Variants in HDAC7 observed in about 807,000 individuals in gnomAD.
HDAC7 encodes the protein histone deacetylase 7A.
In HDAC7, 26 loss-of-function variants were observed where a neutral mutation model predicts 115.5. That is an observed-to-expected ratio of 0.23 (90% confidence interval 0.16 to 0.31). The LOEUF is 0.31. Ranked by LOEUF, HDAC7 falls within the 10% of genes least tolerant of loss-of-function variation. HDAC7 has a pLI of 1.00. For missense variants in HDAC7, 1,068 were observed against 1,329.0 expected, an observed-to-expected ratio of 0.80 and a Z score of 3.05; for synonymous variants, 564 against 550.9, an observed-to-expected ratio of 1.02 and a Z score of -0.33.
chr12:47,786,533 G>A lies in HDAC7; in HGVS notation c.2572+52C>T, dbSNP rs199640491. On this transcript the variant is annotated intron_variant, in intron 22 of 25. Transcript: ENST00000080059. ...ACTTGGGAGTGCCTCCCAACTCCCC[G>A]CACCGCCTGGCTCTCTGTCCCTAAC... 2.9e-5 allele frequency: 39 copies of A among 1,340,966 alleles called. No individual in the cohort carries two copies. The East Asian group carries it at 6.0e-4, about 21-fold the overall frequency. 83.1% of individuals were successfully genotyped at this position (1,340,966 alleles called of 1,614,324 possible). A position where few individuals can be genotyped will look rare whatever the true frequency, so the allele number is the denominator to read the frequency against.
chr12:47,791,761 C>T, intron 14 of HDAC7, 55 bp from the exon 15 acceptor site: 1 of 1,602,344 alleles, frequency 6.2e-7, no homozygotes, highest in Non-Finnish European at 8.5e-7. Flanking sequence ...CCTCCCATCA[C>T]CACCACCCCA....
chr12:47,787,970 C>A, intron 20 of HDAC7, 75 bp downstream of exon 20: 1 of 1,588,270 alleles, frequency 6.3e-7, no homozygotes, highest in Non-Finnish European at 8.6e-7. Flanking sequence ...TCACACAGCT[C>A]GTCATGACAG....
chr12:47,810,254 GTTA>G (rs749133748), intron 1 of HDAC7, among the ~76,000 whole-genome samples: 2 of 152,184 alleles, frequency 1.3e-5, no homozygotes, highest in Non-Finnish European at 2.9e-5. Context: ...CCTATATACT[GTTA>G]TTATTCTCAT....
At chr12:47,794,467 G>A (rs1943696504) in intron 12 of HDAC7, among the ~76,000 whole-genome samples, 1 of 152,200 alleles carries the variant, frequency 6.6e-6, no homozygotes, top group Admixed American at 6.5e-5. Context: ...GACATACCAG[G>A]GCAGGACTAT....
In HDAC7 at chr12:47,784,081, A is replaced by G. The variant is rs779627736; in HGVS notation, c.2928T>C (p.Asp976=). ...CAGGGCCAGGGGTCTGGCATTACCT[A>G]TCTTCAGCCAGGATGCCCACAGAGA... The part of the protein sequence containing the change: ...ASLSVGILAE[D]RPSEQLVEEE... Residue 976 remains aspartate, a splice_region_variant and synonymous_variant, in exon 25 of 26, where the codon GAT becomes GAC. Coordinates refer to ENST00000080059, the MANE Select transcript of HDAC7 (RefSeq NM_015401.5). The G allele has an allele frequency of 1.5e-5, 24 of 1,612,992 alleles. No individual in the cohort carries two copies. Among genetic ancestry groups the G allele is most frequent in the Admixed American group, 1.2e-4 (7 of 59,930 alleles).
chr12:47,816,323 G>A (rs957556318), intron 1 of HDAC7, among the ~76,000 whole-genome samples: 1 of 151,964 alleles, frequency 6.6e-6, no homozygotes, highest in Non-Finnish European at 1.5e-5. Context: ...AGCCACTCCT[G>A]CCCAGATATA....
chr12:47,785,918 G>C, intron 22 of HDAC7, 33 bp from the exon 23 acceptor site: 1 of 1,556,030 alleles, frequency 6.4e-7, no homozygotes, highest in Non-Finnish European at 8.7e-7. Context: ...TGGGAGGGGC[G>C]GGAGTGGAGA....
intron 1 of HDAC7, among the ~76,000 whole-genome samples, chr12:47,809,958 T>C (rs1180970820): frequency 1.3e-5 from 2 of 152,038 alleles, no homozygotes; most frequent in Non-Finnish European, 2.9e-5. Context: ...TGTTTTGTTT[T>C]GTTTTTGAGA....
chr12:47,787,264 C>T (rs149948707), intron 21 of HDAC7, among the ~76,000 whole-genome samples: 152 of 152,202 alleles, frequency 1.0e-3, no homozygotes, highest in Non-Finnish European at 1.6e-3. Flanking sequence ...CCTTCCTCTA[C>T]CCCTGATCCA....
chr12:47,796,045 C>T (rs1351794802), intron 8 of HDAC7, 29 bp from the exon 9 acceptor site: 7 of 1,544,554 alleles, frequency 4.5e-6, no homozygotes, highest in Non-Finnish European at 5.3e-6. Context: ...CGAGGGTCAC[C>T]GGTCCCAGAC....
At chr12:47,809,676 T>C (rs952542254) in intron 1 of HDAC7, among the ~76,000 whole-genome samples, 8 of 152,060 alleles carry the variant, frequency 5.3e-5, no homozygotes, top group Admixed American at 2.0e-4. Context: ...GTTCAAGTGA[T>C]TCTCCTGCCT....
chr12:47,791,180 G>T, intron 16 of HDAC7, 79 bp downstream of exon 16: 1 of 1,341,002 alleles, frequency 7.5e-7, no homozygotes. Context: ...GGTTCTGCAG[G>T]GGCTGGGCCT....
intron 23 of HDAC7, 120 bp from the exon 24 acceptor site, chr12:47,785,591 G>T: frequency 7.3e-7 from 1 of 1,367,204 alleles, no homozygotes; most frequent in Non-Finnish European, 1.0e-6. Flanking sequence ...AGGAGATGCT[G>T]CCTGGACCTA....
chr12:47,797,291 G>GGGCC lies in HDAC7; in HGVS notation c.577+92_577+93insGGCC. On this transcript the variant is annotated intron_variant, in intron 6 of 25. Transcript: ENST00000080059. The surrounding 1 kb of genome is among the most constrained non-coding windows in gnomAD (Gnocchi z 5.5). ...AGCCTACCGATGATCTCCTGGCCCA[G>GGGCC]CCCAGCCCGCCCACCCCTGCACACT... 6 of 1,336,142 alleles carry GGGCC rather than the reference G, an allele frequency of 4.5e-6. No individual in the cohort carries two copies. Among genetic ancestry groups the GGGCC allele is most frequent in the Non-Finnish European group, 6.3e-6 (6 of 948,912 alleles). 82.8% of individuals were successfully genotyped at this position (1,336,142 alleles called of 1,614,324 possible). A position where few individuals can be genotyped will look rare whatever the true frequency, so the allele number is the denominator to read the frequency against.
In HDAC7 at chr12:47,806,279, G is replaced by T. The variant is rs545242777; in HGVS notation, c.20-4005C>A. On this transcript the variant is annotated intron_variant, in intron 1 of 25. Coordinates refer to ENST00000080059, the MANE Select transcript of HDAC7 (RefSeq NM_015401.5). ...ACACAGGACATTGGCTTTGCGGTCA[G>T]ATGGGCCTGGGTTTAAGCCCCGACT... Among the ~76,000 whole-genome samples, 7 of 152,374 alleles carry T rather than the reference G, an allele frequency of 4.6e-5. No individual in the cohort carries two copies. The South Asian group carries it at 1.4e-3, about 32-fold the overall frequency.
At chr12:47,811,123 G>A (rs1388611231) in intron 1 of HDAC7, among the ~76,000 whole-genome samples, 2 of 152,158 alleles carry the variant, frequency 1.3e-5, no homozygotes, top group Non-Finnish European at 2.9e-5. Context: ...TCACAGGGAT[G>A]CCACATTAAC....
At chr12:47,805,976 A>T (rs1944384957) in intron 1 of HDAC7, among the ~76,000 whole-genome samples, 1 of 152,234 alleles carries the variant, frequency 6.6e-6, no homozygotes, top group Non-Finnish European at 1.5e-5. Context: ...AACAAGTACA[A>T]TACTTGCAGA....
In HDAC7 at chr12:47,784,194, G is replaced by A. The variant is rs752105389; in HGVS notation, c.2815C>T (p.Arg939Cys). ...CAGGAGTCTGGACAGGAGGCCAGGCGCTGCATGCAGCCCCAGTATTTACCT... is the reference window on the plus strand; with the variant it reads ...CAGGAGTCTGGACAGGAGGCCAGGCACTGCATGCAGCCCCAGTATTTACCT... ...VHSKYWGCMQ[R>C]LASCPDSWVP... The change falls in exon 25 of 26, where the codon CGC (arginine) becomes TGC (cysteine). Residue 939 changes from arginine (R) to cysteine (C), a missense_variant. Coordinates refer to ENST00000080059, the MANE Select transcript of HDAC7 (RefSeq NM_015401.5). The A allele has an allele frequency of 8.7e-6, 14 of 1,612,102 alleles. No individual in the cohort carries two copies. Among genetic ancestry groups the A allele is most frequent in the Admixed American group, 5.0e-5 (3 of 59,712 alleles).
intron 13 of HDAC7, chr12:47,792,633 C>G (rs1015027605): frequency 6.6e-6 from 3 of 455,796 alleles, no homozygotes; most frequent in Non-Finnish European, 1.3e-5. Context: ...AATGCTCACA[C>G]CATGTGACCC....
Sources: gnomAD v4.1 joint callset for allele counts (sites outside exome capture counted in the v4.1 genomes callset) on GRCh38, gnomAD v4.1.1 for gene constraint, Gnocchi (gnomAD v3.1) non-coding constraint, MANE v1.5 for transcripts, NCBI Gene and HGNC (gene_info 2026-07-23, HGNC 2026-07-21) for gene names.